Variants in TXNRD1 observed in about 807,000 individuals in gnomAD.
TXNRD1 encodes the protein thioredoxin reductase 1, cytoplasmic.
In TXNRD1, 57 loss-of-function variants were observed where a neutral mutation model predicts 80.3. The ratio of observed to expected loss-of-function variants is 0.71; its 90% CI spans 0.57 to 0.89. The LOEUF is 0.89. Ranked by LOEUF, TXNRD1 falls within the 40% of genes least tolerant of loss-of-function variation. The pLI is 0.00. For synonymous variants in TXNRD1, 291 were observed against 285.2 expected, an observed-to-expected ratio of 1.02 and a Z score of -0.20; for missense variants, 730 against 803.0, an observed-to-expected ratio of 0.91 and a Z score of 1.10.
At chr12:104,303,814 G>A (rs545106898) in intron 4 of TXNRD1, 7 of 1,400,028 alleles carry the variant, frequency 5.0e-6, no homozygotes, top group Non-Finnish European at 6.6e-6. Flanking sequence ...AGATACCCGT[G>A]GCCGGCATGT....
At chr12:104,317,510 T>G (rs2035373486) in intron 7 of TXNRD1, among the ~76,000 whole-genome samples, 1 of 152,114 alleles carries the variant, frequency 6.6e-6, no homozygotes, top group Non-Finnish European at 1.5e-5. Flanking sequence ...CATTCCCACT[T>G]CCAGAGGCTG....
chr12:104,263,602 T>G (rs1415699164), intron 3 of TXNRD1, among the ~76,000 whole-genome samples: 1 of 152,220 alleles, frequency 6.6e-6, no homozygotes, highest in African/African-American at 2.4e-5. Flanking sequence ...CTAGGAGCTT[T>G]GATCTAAGGA....
rs1042166111 is a variant in TXNRD1, at chr12:104,308,894, G to T, written c.415-2396G>T. Among the ~76,000 whole-genome samples the T allele has an allele frequency of 2.2e-3, 292 of 131,592 alleles. 1 individual carries two copies. The highest frequency in any genetic ancestry group is 7.0e-3 in the African/African-American group (258 of 36,692). The allele number at this position is 131,592 out of a possible 152,430, so 86.3% of individuals were successfully genotyped here. On this transcript the variant is annotated intron_variant, in intron 4 of 16. Coordinates refer to ENST00000525566, the MANE Select transcript of TXNRD1 (RefSeq NM_001093771.3). Reference sequence around the variant, plus strand: ...GTTTGGTTAAAATTTTAAAAACAATGTTTCTTTTTTTTTTTTTTTTTGAGA... The same window carrying T: ...GTTTGGTTAAAATTTTAAAAACAATTTTTCTTTTTTTTTTTTTTTTTGAGA...
At chr12:104,254,644 A>AATATATATATATATATATATATATAT (rs1178469026) in intron 2 of TXNRD1, among the ~76,000 whole-genome samples, 2 of 93,634 alleles carry the variant, frequency 2.1e-5, no homozygotes, top group Non-Finnish European at 3.8e-5. Flanking sequence ...AAAAAAAAAA[A>AATATATATATATATATATATATATAT]ATATATATAT....
intron 1 of TXNRD1, among the ~76,000 whole-genome samples, chr12:104,220,340 T>C (rs2032322465): frequency 6.6e-6 from 1 of 152,246 alleles, no homozygotes; most frequent in Non-Finnish European, 1.5e-5. Context: ...TTAAAGTCAT[T>C]ACTCATTATT....
Position 104,327,606 on chromosome 12 carries a change from A to G in TXNRD1, c.1477A>G (p.Thr493Ala). ...TATATTGGAGGATAAGGTGGAGCTC[A>G]CCCCAGTTGCAATCCAGGCAGGAAG... ...GDILEDKVEL[T>A]PVAIQAGRLL... The change falls in exon 13 of 17, where the codon ACC becomes GCC. Residue 493 changes from threonine (T) to alanine (A), a missense_variant. Physicochemically the swap from Thr to Ala is moderately conservative, Grantham distance 58 (BLOSUM62 0). Transcript: ENST00000525566. 1 of 1,613,500 alleles carries G rather than the reference A, an allele frequency of 6.2e-7. No individual in the cohort carries two copies. The highest frequency in any genetic ancestry group is 1.1e-5 in the South Asian group (1 of 91,008).
intron 2 of TXNRD1, among the ~76,000 whole-genome samples, chr12:104,252,786 T>C (rs2033157275): frequency 1.5e-5 from 2 of 135,096 alleles, no homozygotes; most frequent in African/African-American, 2.8e-5. Context: ...CACTGCAAGC[T>C]CCGTCTCCCG....
At chr12:104,267,721 C>CTTTT (rs1555209319) in intron 3 of TXNRD1, among the ~76,000 whole-genome samples, 8,752 of 84,688 alleles carry the variant, frequency 0.1, 584 homozygotes, top group Middle Eastern at 0.19. Flanking sequence ...TTCTTTCTTT[C>CTTTT]TCTTTCTTTC....
intron 1 of TXNRD1, among the ~76,000 whole-genome samples, chr12:104,216,759 A>G (rs936719776): frequency 1.3e-5 from 2 of 152,262 alleles, no homozygotes; most frequent in South Asian, 4.1e-4. Context: ...GGTCATAGTC[A>G]TATGGCCGCC....
intron 4 of TXNRD1, chr12:104,291,104 G>T (rs1334020515): frequency 4.7e-6 from 3 of 641,266 alleles, no homozygotes; most frequent in South Asian, 1.7e-5. Flanking sequence ...CATTTAGTGA[G>T]GTATAGTGCC....
In TXNRD1 at chr12:104,252,129, G is replaced by A. The variant is rs530531245; in HGVS notation, c.243+451G>A. ...ACTTGCTTCAGAGTAATTGTAAAAT[G>A]TGGATTTGATAACAAAATATTGTTT... On this transcript the variant is annotated intron_variant, in intron 2 of 16. Transcript: ENST00000525566. Among the ~76,000 whole-genome samples, 13 of 151,258 alleles carry A rather than the reference G, an allele frequency of 8.6e-5. No homozygotes were observed. In the South Asian group the frequency reaches 2.7e-3, roughly 32 times the overall value.
At chr12:104,290,696 CA>C (rs1317106811) in intron 4 of TXNRD1, among the ~76,000 whole-genome samples, 228 of 31,094 alleles carry the variant, frequency 7.3e-3, no homozygotes, top group East Asian at 0.026. Context: ...GACCCTGTCT[CA>C]AAAAAAAAAA....
At chr12:104,287,224 T>C in intron 3 of TXNRD1, 1 of 1,611,340 alleles carries the variant, frequency 6.2e-7, no homozygotes. Flanking sequence ...GCAGTGTGCG[T>C]CTCGGGGAAG....
chr12:104,292,395 C>CTTTTTTT (rs35461325), intron 4 of TXNRD1, among the ~76,000 whole-genome samples: 1 of 146,046 alleles, frequency 6.8e-6, no homozygotes. Context: ...GCCCCCCCGC[C>CTTTTTTT]TTTTTTTTTT....
intron 4 of TXNRD1, among the ~76,000 whole-genome samples, chr12:104,299,903 G>C (rs1289197840): frequency 6.6e-6 from 1 of 152,204 alleles, no homozygotes; most frequent in Admixed American, 6.5e-5. Flanking sequence ...GGTATGAAGG[G>C]AGAAAAGCTG....
intron 1 of TXNRD1, among the ~76,000 whole-genome samples, chr12:104,224,223 A>G (rs1254290191): frequency 6.6e-6 from 1 of 152,028 alleles, no homozygotes; most frequent in African/African-American, 2.4e-5. Context: ...AACTCTCCTC[A>G]CACATCAAGA....
chr12:104,250,335 G>A (rs2033092862), intron 1 of TXNRD1, among the ~76,000 whole-genome samples: 1 of 152,104 alleles, frequency 6.6e-6, no homozygotes, highest in Non-Finnish European at 1.5e-5. Context: ...TGTGACTTTG[G>A]AATAGGCAAT....
chr12:104,221,331 T>C (rs2032353284), intron 1 of TXNRD1, among the ~76,000 whole-genome samples: 1 of 152,140 alleles, frequency 6.6e-6, no homozygotes, highest in Non-Finnish European at 1.5e-5. Flanking sequence ...TTTTATTTTA[T>C]TTTGAGACGG....
intron 4 of TXNRD1, among the ~76,000 whole-genome samples, chr12:104,298,474 C>T (rs1434496252): frequency 1.3e-5 from 2 of 152,076 alleles, no homozygotes; most frequent in Admixed American, 1.3e-4. Context: ...ACCTGTAATC[C>T]CAGCACTTTG....
Sources: allele counts gnomAD v4.1 joint callset (sites outside exome capture counted in the v4.1 genomes callset), GRCh38; gene constraint gnomAD v4.1.1; transcripts MANE v1.5; gene names NCBI Gene and HGNC (gene_info 2026-07-23, HGNC 2026-07-21).